The following ME1 variants were observed in gnomAD, a reference collection of about 807,000 sequenced individuals.
ME1 encodes malic enzyme 1.
Under a neutral mutation model 66.4 loss-of-function variants are expected in ME1, and 74 were observed. The ratio of observed to expected loss-of-function variants is 1.11; its 90% CI spans 0.92 to 1.35. ME1 has a LOEUF of 1.35. ME1 is among the 40% of genes most tolerant of loss of function. The pLI is 0.00. For missense variants in ME1, 750 were observed against 694.1 expected (o/e 1.08, Z -0.90); for synonymous variants, 251 against 235.6 (o/e 1.07, Z -0.60).
At chr6:83,362,471 G>T (rs1220680220) in intron 3 of ME1, among the ~76,000 whole-genome samples, 1 of 152,176 alleles carries the variant, frequency 6.6e-6, no homozygotes, top group African/African-American at 2.4e-5. Context: ...ATCACCCAAT[G>T]GGCCCATGAA....
chr6:83,351,397 A>G (rs904159803), intron 4 of ME1, among the ~76,000 whole-genome samples: 1 of 152,178 alleles, frequency 6.6e-6, no homozygotes, highest in African/African-American at 2.4e-5. Context: ...AACCAAAGGG[A>G]GAACAAACAC....
intron 2 of ME1, among the ~76,000 whole-genome samples, chr6:83,404,279 A>G (rs540740553): frequency 6.6e-6 from 1 of 151,370 alleles, no homozygotes; most frequent in Admixed American, 6.6e-5. Context: ...TTTTTTCATG[A>G]TTTTTGGCCG....
At chr6:83,242,301 T>TAAA (rs1790525768) in intron 7 of ME1, among the ~76,000 whole-genome samples, 1 of 152,222 alleles carries the variant, frequency 6.6e-6, no homozygotes, top group African/African-American at 2.4e-5. Context: ...AATAAAAGTC[T>TAAA]CACCTTTTAT....
At chr6:83,230,182 CT>C (rs1238452484) in intron 9 of ME1, among the ~76,000 whole-genome samples, 22 of 144,342 alleles carry the variant, frequency 1.5e-4, no homozygotes, top group Non-Finnish European at 2.1e-4. Flanking sequence ...TTTTGTTTGT[CT>C]TTTTTTTTTG....
At chr6:83,388,040 A>G (rs1456748141) in intron 3 of ME1, among the ~76,000 whole-genome samples, 1 of 151,622 alleles carries the variant, frequency 6.6e-6, no homozygotes, top group Non-Finnish European at 1.5e-5. Context: ...TCCCAAAAAT[A>G]AACTTTCTTT....
intron 4 of ME1, among the ~76,000 whole-genome samples, chr6:83,350,818 T>C (rs1402125219): frequency 6.6e-6 from 1 of 152,050 alleles, no homozygotes; most frequent in Admixed American, 6.6e-5. Context: ...TTTCTTTAGA[T>C]TCCTGATTAA....
At chr6:83,357,495 A>G (rs1768912057) in intron 3 of ME1, among the ~76,000 whole-genome samples, 1 of 152,124 alleles carries the variant, frequency 6.6e-6, no homozygotes, top group Non-Finnish European at 1.5e-5. Flanking sequence ...GCTGGCTTCT[A>G]TGGCTTTTGA....
chr6:83,288,857 A>G (rs1562470438), intron 6 of ME1, among the ~76,000 whole-genome samples: 1 of 152,146 alleles, frequency 6.6e-6, no homozygotes, highest in Non-Finnish European at 1.5e-5. Flanking sequence ...GTTCTCCTTG[A>G]AGAGGTCCTT....
intron 5 of ME1, among the ~76,000 whole-genome samples, chr6:83,329,228 T>C (rs1451920781): frequency 1.3e-5 from 2 of 152,192 alleles, no homozygotes; most frequent in Non-Finnish European, 2.9e-5. Context: ...CAATAATCTC[T>C]ACCCATTCAG....
chr6:83,269,073 T>C (rs1767040737), intron 6 of ME1, among the ~76,000 whole-genome samples: 1 of 152,168 alleles, frequency 6.6e-6, no homozygotes, highest in Admixed American at 6.5e-5. Context: ...GGAATATTTA[T>C]TGGTCCTTTC....
At chr6:83,297,615 A>G (rs544600958) in intron 6 of ME1, among the ~76,000 whole-genome samples, 6 of 151,110 alleles carry the variant, frequency 4.0e-5, no homozygotes, top group African/African-American at 1.5e-4. Context: ...GTTCCAGGAT[A>G]CATGTGAGGG....
At chr6:83,382,506 G>A (rs1264244650) in intron 3 of ME1, among the ~76,000 whole-genome samples, 3 of 152,066 alleles carry the variant, frequency 2.0e-5, no homozygotes, top group Non-Finnish European at 4.4e-5. Flanking sequence ...AATCCAGTCA[G>A]TATTAGGAAC....
At chr6:83,430,776 G>T in intron 1 of ME1, 101 bp downstream of exon 1, 2 of 1,052,492 alleles carry the variant, frequency 1.9e-6, no homozygotes, top group Non-Finnish European at 2.8e-6. Context: ...CCTTCCCAGG[G>T]GAGCGGCGGA....
At chr6:83,217,374 A>G (rs1006470277) in intron 12 of ME1, among the ~76,000 whole-genome samples, 7 of 152,226 alleles carry the variant, frequency 4.6e-5, no homozygotes, top group African/African-American at 1.7e-4. Flanking sequence ...TTAAATAATC[A>G]AATACTTATT....
At chr6:83,421,057 A>G (rs1407449430) in intron 1 of ME1, among the ~76,000 whole-genome samples, 3 of 152,196 alleles carry the variant, frequency 2.0e-5, no homozygotes, top group Non-Finnish European at 4.4e-5. Flanking sequence ...GGGAACCCCA[A>G]AGAAATTCTG....
chr6:83,360,494 T>G (rs564171391), intron 3 of ME1, among the ~76,000 whole-genome samples: 132 of 152,254 alleles, frequency 8.7e-4, no homozygotes, highest in African/African-American at 3.1e-3. Flanking sequence ...CATTTCCCCA[T>G]TGCCAGAAAT....
At chr6:83,369,714 A>C (rs1769161741) in intron 3 of ME1, among the ~76,000 whole-genome samples, 1 of 141,536 alleles carries the variant, frequency 7.1e-6, no homozygotes, top group African/African-American at 2.5e-5. Context: ...GAAGGAAGGA[A>C]GGAAGGAAGG....
intron 5 of ME1, among the ~76,000 whole-genome samples, chr6:83,334,161 AAGGGGTC>A (rs1220607404): frequency 6.6e-6 from 1 of 151,914 alleles, no homozygotes; most frequent in African/African-American, 2.4e-5. Flanking sequence ...TGGGAAGCGC[AAGGGGTC>A]AGGGAGTTCC....
At chr6:83,254,240 G>T (rs1375684487) in intron 6 of ME1, among the ~76,000 whole-genome samples, 1 of 152,152 alleles carries the variant, frequency 6.6e-6, no homozygotes, top group African/African-American at 2.4e-5. Flanking sequence ...TTAAAAAATG[G>T]TTTAAAAGCC....
Sources: gnomAD v4.1 joint callset for allele counts (sites outside exome capture counted in the v4.1 genomes callset) on GRCh38, gnomAD v4.1.1 for gene constraint, MANE v1.5 for transcripts, NCBI Gene and HGNC (gene_info 2026-07-23, HGNC 2026-07-21) for gene names.